The following FHAD1 variants were observed in gnomAD, a reference collection of about 807,000 sequenced individuals.
FHAD1 encodes the protein forkhead associated phosphopeptide binding domain 1, also known as forkhead-associated domain-containing protein 1.
In FHAD1, 146 loss-of-function variants were observed where a neutral mutation model predicts 191.3. The observed-to-expected ratio is 0.76, with a 90% CI of 0.67 to 0.88. FHAD1 has a LOEUF of 0.88. FHAD1 is among the 40% of genes least tolerant of loss of function. FHAD1 has a pLI of 0.00. For missense variants in FHAD1, 1,635 were observed against 1,785.8 expected (o/e 0.92, Z 1.52); for synonymous variants, 616 against 672.3 (o/e 0.92, Z 1.29).
chr1:15,255,644 T>G (rs780681039), intron 2 of FHAD1, among the ~76,000 whole-genome samples: 18 of 151,546 alleles, frequency 1.2e-4, no homozygotes, highest in Non-Finnish European at 1.9e-4. Flanking sequence ...CAGACATAGG[T>G]CAGAGGATCT....
Position 15,381,303 on chromosome 1 carries a change from T to TA in FHAD1, c.3875dup (p.Tyr1292Ter). ...KNMSGHVSMK[Y>*]LSRQEREKVN... is the part of the protein sequence containing the mutation. ...TATGTCAGGCCACGTGTCCATGAAATACCTCTCCCGCCAGGAGAGGGAGAA... is the reference window on the plus strand; with the variant it reads ...TATGTCAGGCCACGTGTCCATGAAATAACCTCTCCCGCCAGGAGAGGGAGAA... The change falls in exon 30 of 34, where the codon TAC (tyrosine) becomes TAAC (stop). Residue 1292 changes from tyrosine to a stop codon, truncating the protein, a stop_gained and frameshift_variant. Transcript: ENST00000688493. LOFTEE classifies it high-confidence loss of function. This position sits in a 1 kb window ranked among gnomAD's most constrained non-coding sequence, Gnocchi z 4.6. The TA allele has an allele frequency of 6.4e-7, 1 of 1,551,580 alleles. No individual in the cohort carries two copies. The highest frequency in any genetic ancestry group is 1.7e-4 in the Middle Eastern group (1 of 5,992).
chr1:15,305,836 C>A (rs1490331572), intron 6 of FHAD1: 2 of 414,052 alleles, frequency 4.8e-6, no homozygotes, highest in Admixed American at 2.7e-5. Context: ...CCAATTAAAT[C>A]TCTTTTTCTT....
At chr1:15,243,036 TACAG>T (rs1267708994), upstream of FHAD1, among the ~76,000 whole-genome samples, 7 of 152,234 alleles carry the variant, frequency 4.6e-5, no homozygotes, top group Admixed American at 3.3e-4. Context: ...GAACGGATGG[TACAG>T]ACAGACCCCC....
Position 15,318,647 on chromosome 1 carries a change from T to A in FHAD1, c.1365+719T>A, listed in dbSNP as rs1008717931. Among the ~76,000 whole-genome samples, 16 of 151,680 alleles carry A rather than the reference T, an allele frequency of 1.1e-4. No homozygotes were observed. The highest frequency in any genetic ancestry group is 2.0e-4 in the Admixed American group (3 of 15,222). ...AGACTCCGTCTCAAAAAAAAAAAAATTTAATTAAAAATAAATAAAACAAAA... is the reference window on the plus strand; with the variant it reads ...AGACTCCGTCTCAAAAAAAAAAAAAATTAATTAAAAATAAATAAAACAAAA... On this transcript the variant is annotated intron_variant, in intron 10 of 33. Transcript: ENST00000688493. This position sits in a 1 kb window ranked among gnomAD's most constrained non-coding sequence, Gnocchi z 4.1.
chr1:15,345,483 G>A lies in FHAD1; in HGVS notation c.2306G>A (p.Arg769Lys), dbSNP rs1248435810. Residue 769 changes from arginine (R) to lysine (K), a missense_variant, in exon 18 of 34, where the codon AGA becomes AAA. Coordinates refer to ENST00000688493, the MANE Select transcript of FHAD1 (RefSeq NM_001391957.1). ...GAAGCATTAGAGGAAGAGCAGACAA[G>A]AGTCCAAGAGCTGGAGGAACGCTTG... is the stretch of plus-strand genomic sequence containing the variant. ...VKEALEEEQTRVQELEERLAR... is the reference protein window; with the variant it reads ...VKEALEEEQTKVQELEERLAR... 2 of 1,552,138 alleles carry A rather than the reference G, an allele frequency of 1.3e-6. No homozygotes were observed. Among genetic ancestry groups the A allele is most frequent in the Non-Finnish European group, 8.7e-7 (1 of 1,147,136 alleles).
chr1:15,326,811 G>A (rs980090368), intron 11 of FHAD1: 9 of 455,428 alleles, frequency 2.0e-5, no homozygotes, highest in African/African-American at 1.8e-4. Context: ...AGACATGTGT[G>A]TGCACTGACC....
At chr1:15,401,679 T>C (rs891042950), downstream of FHAD1, among the ~76,000 whole-genome samples, 1 of 152,202 alleles carries the variant, frequency 6.6e-6, no homozygotes, top group African/African-American at 2.4e-5. Flanking sequence ...TGGAGTGGTT[T>C]CCAATTTTTT....
At chr1:15,361,129 A>C (rs1694668870) in intron 22 of FHAD1, among the ~76,000 whole-genome samples, 1 of 152,186 alleles carries the variant, frequency 6.6e-6, no homozygotes, top group Admixed American at 6.5e-5. Context: ...AACCCTAAAG[A>C]GGCTGAAAAA....
chr1:15,359,608 G>A (rs1037790287), intron 21 of FHAD1, among the ~76,000 whole-genome samples: 3 of 152,124 alleles, frequency 2.0e-5, no homozygotes, highest in Admixed American at 2.0e-4. Flanking sequence ...AGCACTTTGG[G>A]AGGCCAAGGT....
intron 22 of FHAD1, among the ~76,000 whole-genome samples, chr1:15,360,938 C>G (rs1260035858): frequency 2.6e-5 from 4 of 152,104 alleles, no homozygotes; most frequent in African/African-American, 7.2e-5. Context: ...ACTCAGTGAG[C>G]CGGCGAGACA....
At chr1:15,313,002 C>A in intron 7 of FHAD1, 55 bp from the exon 8 acceptor site, 1 of 1,540,010 alleles carries the variant, frequency 6.5e-7, no homozygotes, top group Non-Finnish European at 8.8e-7. Context: ...ACAGCGGCAG[C>A]GATGACAGTC....
intron 4 of FHAD1, among the ~76,000 whole-genome samples, chr1:15,293,805 T>C (rs1437810220): frequency 6.6e-6 from 1 of 152,228 alleles, no homozygotes; most frequent in Admixed American, 6.5e-5. Flanking sequence ...GATTTCTTTA[T>C]CCATTCGTCC....
In FHAD1 at chr1:15,322,029, A is replaced by G. The variant is rs1267803553; in HGVS notation, c.1366-2423A>G. Among the ~76,000 whole-genome samples, 4 of 152,172 alleles carry G rather than the reference A, an allele frequency of 2.6e-5. No individual in the cohort carries two copies. In the South Asian group the frequency reaches 6.2e-4, roughly 24 times the overall value. ...TATAACCTAACTATTGCACCATTGT[A>G]TAATCTTTTTGTATTCTGGATTTTT... On this transcript the variant is annotated intron_variant, in intron 10 of 33. Coordinates refer to ENST00000688493, the MANE Select transcript of FHAD1 (RefSeq NM_001391957.1).
At chr1:15,380,272 G>A (rs997377087) in intron 28 of FHAD1, among the ~76,000 whole-genome samples, 1 of 152,110 alleles carries the variant, frequency 6.6e-6, no homozygotes, top group Non-Finnish European at 1.5e-5. Flanking sequence ...ACAATCTGGC[G>A]TGGTTTGTGG....
chr1:15,266,696 A>G (rs1202676529), intron 2 of FHAD1, among the ~76,000 whole-genome samples: 1 of 152,190 alleles, frequency 6.6e-6, no homozygotes, highest in African/African-American at 2.4e-5. Context: ...ATATAGAATC[A>G]TACAGAATAG....
At chr1:15,358,771 G>A (rs1306701414) in intron 21 of FHAD1, among the ~76,000 whole-genome samples, 2 of 152,140 alleles carry the variant, frequency 1.3e-5, no homozygotes, top group African/African-American at 4.8e-5. Flanking sequence ...GGCTCGATGT[G>A]CATTCCCTCT....
At chr1:15,271,879 C>A (rs1471679860) in intron 2 of FHAD1, among the ~76,000 whole-genome samples, 1 of 151,950 alleles carries the variant, frequency 6.6e-6, no homozygotes, top group East Asian at 1.9e-4. Flanking sequence ...TACTGAGTAC[C>A]ACCATAAATA....
At position 15,316,591 on chromosome 1, in the gene FHAD1, A is replaced by G. The variant is rs1238553709; in HGVS notation, c.1260+124A>G. On this transcript the variant is annotated intron_variant, in intron 9 of 33. Transcript: ENST00000688493. This position sits in a 1 kb window ranked among gnomAD's most constrained non-coding sequence, Gnocchi z 4.3. ...CTGGGGCTCTGTGCTTGCTTGTTTA[A>G]CATAGTCTCATTGCTCTTTGATCTG... 1 of 806,646 alleles carries G rather than the reference A, an allele frequency of 1.2e-6. No individual in the cohort carries two copies. 50.0% of individuals were successfully genotyped at this position (806,646 alleles called of 1,614,324 possible).
chr1:15,302,411 C>CTTT (rs879718133), intron 6 of FHAD1, among the ~76,000 whole-genome samples: 1 of 147,986 alleles, frequency 6.8e-6, no homozygotes, highest in Non-Finnish European at 1.5e-5. Context: ...GATTCAAATT[C>CTTT]TTTTTTTTTT....
Sources: allele counts gnomAD v4.1 joint callset (sites outside exome capture counted in the v4.1 genomes callset), GRCh38; gene constraint gnomAD v4.1.1; non-coding constraint Gnocchi (gnomAD v3.1); transcripts MANE v1.5; gene names NCBI Gene and HGNC (gene_info 2026-07-23, HGNC 2026-07-21).